The following SENP1 variants were observed in gnomAD, a reference collection of about 807,000 sequenced individuals.
SENP1 encodes SUMO specific peptidase 1, also known as sentrin-specific protease 1.
SENP1 carries 21 observed loss-of-function variants against 93.0 expected under a neutral mutation model. That is an observed-to-expected ratio of 0.23 (90% CI 0.16 to 0.33). The LOEUF (loss-of-function observed/expected upper bound fraction) is 0.33, where lower values mean the gene tolerates loss of function less well. SENP1 is among the 10% of genes least tolerant of loss of function. The probability of loss-of-function intolerance (pLI) is 1.00; values close to 1 mark genes in which losing one functional copy is unlikely to be tolerated. For synonymous variants in SENP1, 256 were observed against 259.6 expected (o/e 0.99, Z 0.13); for missense variants, 591 against 758.7 (o/e 0.78, Z 2.60).
At chr12:48,064,156 GTATTT>G (rs1943136468) in intron 12 of SENP1, among the ~76,000 whole-genome samples, 1 of 152,104 alleles carries the variant, frequency 6.6e-6, no homozygotes, top group South Asian at 2.1e-4. Context: ...AAAATTAACT[GTATTT>G]TATATCTCTG....
chr12:48,085,278 A>G, intron 5 of SENP1: 1 of 1,548,202 alleles, frequency 6.5e-7, no homozygotes, highest in Non-Finnish European at 8.9e-7. Context: ...CATCGCAGAG[A>G]TGGTGCAGCA....
chr12:48,085,072 G>C, intron 5 of SENP1: 2 of 1,315,112 alleles, frequency 1.5e-6, no homozygotes, highest in Non-Finnish European at 2.1e-6. Flanking sequence ...ATGGCGGGGA[G>C]AAGGAAGCTC....
chr12:48,074,161 G>C (rs770357573), intron 8 of SENP1, among the ~76,000 whole-genome samples, 163 bp downstream of exon 8: 7 of 151,978 alleles, frequency 4.6e-5, no homozygotes, highest in Non-Finnish European at 7.4e-5. Context: ...GTATCATGTT[G>C]GTATTCAAAA....
intron 2 of SENP1, among the ~76,000 whole-genome samples, chr12:48,099,439 T>C (rs60923786): frequency 1.3e-5 from 2 of 152,074 alleles, no homozygotes; most frequent in African/African-American, 4.8e-5. Flanking sequence ...TATAAAAAAA[T>C]TGGGGGAAAA....
At chr12:48,056,754 TATAA>T (rs1168868131) in intron 13 of SENP1, among the ~76,000 whole-genome samples, 1 of 78,362 alleles carries the variant, frequency 1.3e-5, no homozygotes, top group Non-Finnish European at 2.1e-5. Context: ...ATATTACATA[TATAA>T]ATATATTTAA....
At chr12:48,100,169 A>G (rs1353231266) in intron 2 of SENP1, among the ~76,000 whole-genome samples, 1 of 152,252 alleles carries the variant, frequency 6.6e-6, no homozygotes, top group African/African-American at 2.4e-5. Flanking sequence ...TAAATTAGCT[A>G]CTAGTCCTGA....
intron 6 of SENP1, among the ~76,000 whole-genome samples, chr12:48,081,863 C>G (rs1944514837): frequency 1.3e-5 from 2 of 151,614 alleles, no homozygotes; most frequent in South Asian, 4.2e-4. Context: ...CATGCCCAGC[C>G]AAATGTTTTA....
At position 48,078,708 on chromosome 12, in the gene SENP1, T is replaced by G. The variant is rs185776925; in HGVS notation, c.553-3915A>C. ...GCTAACTGACAATCTTATTTCTTCC[T>G]TTCCCAAAAGAACACATGTAACTTT... On this transcript the variant is annotated intron_variant, in intron 6 of 17. Transcript: ENST00000549518. Among the ~76,000 whole-genome samples, 257 of 152,268 alleles carry G rather than the reference T, an allele frequency of 1.7e-3. 5 individuals are homozygous for G. Among genetic ancestry groups the G allele is most frequent in the East Asian group, 7.5e-3 (39 of 5,170 alleles).
At position 48,044,395 on chromosome 12, in the gene SENP1, T is replaced by A. The variant is rs888025556; in HGVS notation, c.*927A>T. On this transcript the variant is annotated 3_prime_UTR_variant, in exon 18 of 18. Transcript: ENST00000549518. ...ATATATGTATGTGTATATATATATG[T>A]ATATATATATGAAATTCTCTGTGGT... 4.7e-5 allele frequency: 7 copies of A among 149,864 alleles called. No homozygotes were observed. The highest frequency in any genetic ancestry group is 1.7e-4 in the African/African-American group (7 of 40,998). The allele number at this position is 149,864 out of a possible 1,614,324, so 9.3% of individuals were successfully genotyped here.
intron 4 of SENP1, among the ~76,000 whole-genome samples, chr12:48,089,454 A>C: frequency 6.6e-6 from 1 of 152,240 alleles, no homozygotes; most frequent in East Asian, 1.9e-4. Flanking sequence ...GAGCAGAGAT[A>C]ACCTAATTGC....
chr12:48,064,969 G>C, intron 12 of SENP1, 96 bp downstream of exon 12: 2 of 886,280 alleles, frequency 2.3e-6, no homozygotes, highest in South Asian at 3.1e-5. Flanking sequence ...GAGCCACCGT[G>C]CCTGACCACT....
In SENP1 at chr12:48,065,087, T is replaced by C. The variant is rs780846848; in HGVS notation, c.1253A>G (p.Asp418Gly). ...KKGHKLTDSE[D>G]EFPEITEEME... is the part of the protein sequence containing the mutation. ...TACCTCTGTAATTTCAGGAAATTCA[T>C]CTTCACTATCAGTTAATTTATGACC... is the stretch of plus-strand genomic sequence containing the variant. Residue 418 changes from aspartate to glycine, a missense_variant, in exon 12 of 18, where the codon GAT becomes GGT. Asp to Gly is a moderately conservative substitution (Grantham distance 94). Around this residue, in one of 4 missense-constraint regions of SENP1, gnomAD observed 238 missense variants for 259.1 expected, o/e 0.92. Transcript: ENST00000549518. The C allele has an allele frequency of 8.1e-6, 13 of 1,601,430 alleles. No homozygotes were observed. The highest frequency in any genetic ancestry group is 1.1e-5 in the Non-Finnish European group (13 of 1,168,718).
At chr12:48,061,736 A>G (rs1190362862) in intron 13 of SENP1, among the ~76,000 whole-genome samples, 2 of 152,178 alleles carry the variant, frequency 1.3e-5, no homozygotes, top group African/African-American at 4.8e-5. Context: ...ATGAGTATCA[A>G]TACTTAAGGA....
At chr12:48,050,505 G>C (rs1941716733) in intron 13 of SENP1, among the ~76,000 whole-genome samples, 1 of 152,230 alleles carries the variant, frequency 6.6e-6, no homozygotes, top group Non-Finnish European at 1.5e-5. Context: ...TGATGACTGA[G>C]CAACAGGCCC....
intron 5 of SENP1, 63 bp from the exon 6 acceptor site, chr12:48,083,825 G>T: frequency 1.7e-6 from 2 of 1,202,102 alleles, no homozygotes; most frequent in Non-Finnish European, 2.3e-6. Flanking sequence ...CCAACCTAGA[G>T]ATTATTTTCA....
intron 6 of SENP1, among the ~76,000 whole-genome samples, chr12:48,077,594 T>C (rs865944004): frequency 5.3e-5 from 8 of 152,130 alleles, no homozygotes; most frequent in Non-Finnish European, 7.3e-5. Context: ...ACTTTTTTTT[T>C]CGTCATACTT....
At position 48,044,294 on chromosome 12, in the gene SENP1, C is replaced by A. The variant is rs1244035127; in HGVS notation, c.*1028G>T. 3 of 149,162 alleles carry A rather than the reference C, an allele frequency of 2.0e-5. No homozygotes were observed. The highest frequency in any genetic ancestry group is 1.3e-4 in the Admixed American group (2 of 14,852). 9.2% of individuals were successfully genotyped at this position (149,162 alleles called of 1,614,324 possible). On this transcript the variant is annotated 3_prime_UTR_variant, in exon 18 of 18. Transcript: ENST00000549518. ...TGGAAAATGGAAATAAATCTACAGG[C>A]TAAATGGTGAACACATTCAGTCTTT...
intron 2 of SENP1, among the ~76,000 whole-genome samples, chr12:48,100,915 G>A (rs564998827): frequency 6.6e-6 from 1 of 152,194 alleles, no homozygotes; most frequent in Non-Finnish European, 1.5e-5. Context: ...ATGTTTGCTA[G>A]GGTATACTTA....
chr12:48,078,987 C>T (rs1343986487), intron 6 of SENP1, among the ~76,000 whole-genome samples: 1 of 151,868 alleles, frequency 6.6e-6, no homozygotes, highest in Non-Finnish European at 1.5e-5. Context: ...TGTCTCTACA[C>T]AAAAAATGTT....
Sources: allele counts gnomAD v4.1 joint callset (sites outside exome capture counted in the v4.1 genomes callset), GRCh38; gene constraint gnomAD v4.1.1; regional missense constraint gnomAD v4.1.1; transcripts MANE v1.5; gene names NCBI Gene and HGNC (gene_info 2026-07-23, HGNC 2026-07-21).